The following CAND1 variants were observed in gnomAD, a reference collection of about 807,000 sequenced individuals.
CAND1 encodes the protein cullin-associated NEDD8-dissociated protein 1.
In CAND1, 7 loss-of-function variants were observed where a neutral mutation model predicts 108.5. The ratio of observed to expected loss-of-function variants is 0.06; its 90% CI spans 0.04 to 0.12. CAND1 has a LOEUF of 0.12. Ranked by LOEUF, CAND1 falls within the 10% of genes least tolerant of loss-of-function variation. The pLI, the probability that CAND1 is intolerant of heterozygous loss-of-function variation, is 1.00. For missense variants in CAND1, 941 were observed against 1,448.7 expected (o/e 0.65, Z 5.69); for synonymous variants, 534 against 512.0 (o/e 1.04, Z -0.58).
intron 1 of CAND1, among the ~76,000 whole-genome samples, chr12:67,274,605 A>G (rs770892257): frequency 6.6e-6 from 1 of 152,194 alleles, no homozygotes; most frequent in Non-Finnish European, 1.5e-5. Flanking sequence ...TATTTCCATT[A>G]TATAGGGATT....
chr12:67,303,507 G>A (rs543158333), intron 8 of CAND1, among the ~76,000 whole-genome samples: 1 of 152,282 alleles, frequency 6.6e-6, no homozygotes, highest in South Asian at 2.1e-4. Flanking sequence ...CAGTAGAGTT[G>A]CCAGGAATTC....
At chr12:67,285,958 G>A (rs892337865) in intron 2 of CAND1, among the ~76,000 whole-genome samples, 5 of 152,054 alleles carry the variant, frequency 3.3e-5, no homozygotes, top group Non-Finnish European at 5.9e-5. Context: ...TACAGTGAAC[G>A]TTTCGTGTAC....
Position 67,299,291 on chromosome 12 carries a change from C to A in CAND1, c.1000+196C>A, listed in dbSNP as rs1035683578. ...ACTGTTATGCAACACATTAAAAAAT[C>A]ATGTCTAAAAATCATTCATTAATGC... On this transcript the variant is annotated intron_variant, in intron 7 of 14. Transcript: ENST00000545606. Among the ~76,000 whole-genome samples the A allele has an allele frequency of 2.6e-5, 4 of 152,060 alleles. No individual in the cohort carries two copies. The South Asian group carries it at 8.3e-4, about 32-fold the overall frequency.
chr12:67,273,365 TA>T (rs2044539739), intron 1 of CAND1, among the ~76,000 whole-genome samples: 1 of 152,072 alleles, frequency 6.6e-6, no homozygotes, highest in Non-Finnish European at 1.5e-5. Context: ...AGCCAATAGA[TA>T]GGGGATTCGG....
At chr12:67,303,327 C>T (rs764744917) in intron 8 of CAND1, among the ~76,000 whole-genome samples, 8 of 152,090 alleles carry the variant, frequency 5.3e-5, no homozygotes, top group Non-Finnish European at 1.2e-4. Flanking sequence ...GTGGAGAGGA[C>T]GGGACACACA....
At chr12:67,295,724 GT>G (rs1035531043) in intron 4 of CAND1, among the ~76,000 whole-genome samples, 3 of 152,134 alleles carry the variant, frequency 2.0e-5, no homozygotes, top group African/African-American at 7.2e-5. Flanking sequence ...ATTTGTGTGT[GT>G]TTTTTGTGGC....
At position 67,315,658 on chromosome 12, in the gene CAND1, T is replaced by G. The variant is rs966892870; in HGVS notation, c.*2828T>G. The G allele has an allele frequency of 6.7e-6, 1 of 148,574 alleles. No individual in the cohort carries two copies. The highest frequency in any genetic ancestry group is 2.6e-5 in the African/African-American group (1 of 38,058). The allele number at this position is 148,574 out of a possible 1,614,324, so 9.2% of individuals were successfully genotyped here. On this transcript the variant is annotated 3_prime_UTR_variant, in exon 15 of 15. Coordinates refer to ENST00000545606, the MANE Select transcript of CAND1 (RefSeq NM_018448.5). The stretch of plus-strand genomic sequence containing the variant: ...ATGATTTCATCAAATGTTTGAATAT[T>G]TACATAATTTTTATGTAACCATAAT...
chr12:67,292,515 C>A, intron 2 of CAND1, 107 bp from the exon 3 acceptor site: 1 of 731,352 alleles, frequency 1.4e-6, no homozygotes, highest in Non-Finnish European at 2.2e-6. Context: ...ATGGTATATA[C>A]TTTATCTTGA....
chr12:67,291,581 A>C (rs375842620), intron 2 of CAND1, among the ~76,000 whole-genome samples: 2 of 152,220 alleles, frequency 1.3e-5, no homozygotes, highest in East Asian at 1.9e-4. Context: ...TCTAAACATG[A>C]AATTAATTTA....
chr12:67,304,914 T>A (rs1234508439), intron 9 of CAND1, among the ~76,000 whole-genome samples, 168 bp downstream of exon 9: 1 of 152,234 alleles, frequency 6.6e-6, no homozygotes, highest in Admixed American at 6.5e-5. Flanking sequence ...GTTAGAAATT[T>A]GTAAGTAAAA....
intron 7 of CAND1, 85 bp from the exon 8 acceptor site, chr12:67,302,238 G>A: frequency 1.6e-6 from 2 of 1,256,958 alleles, no homozygotes; most frequent in Admixed American, 2.0e-5. Flanking sequence ...AACTGATTTG[G>A]TTAAGAATAT....
chr12:67,303,691 G>C (rs1046477255), intron 8 of CAND1, among the ~76,000 whole-genome samples: 6 of 152,098 alleles, frequency 3.9e-5, no homozygotes, highest in African/African-American at 1.4e-4. Flanking sequence ...TGATAGCTTT[G>C]CATCCGTAAG....
In CAND1 at chr12:67,305,352, A is replaced by G. The variant is rs755882651; in HGVS notation, c.1684A>G (p.Thr562Ala). The G allele has an allele frequency of 1.9e-6, 3 of 1,613,994 alleles. No homozygotes were observed. The East Asian group carries it at 6.7e-5, about 36-fold the overall frequency. Residue 562 changes from threonine to alanine, a missense_variant, in exon 10 of 15, where the codon ACT becomes GCT. By Grantham distance (58) the Thr-to-Ala change is moderately conservative (BLOSUM62 0). Coordinates refer to ENST00000545606, the MANE Select transcript of CAND1 (RefSeq NM_018448.5). The surrounding 1 kb of genome is among the most constrained non-coding windows in gnomAD (Gnocchi z 4.4). ...PLDQPSSFDA[T>A]PYIKDLFTCT... ...AGATCAGCCTTCCTCGTTTGATGCAACTCCTTATATCAAAGATCTATTTAC... is the reference window on the plus strand; with the variant it reads ...AGATCAGCCTTCCTCGTTTGATGCAGCTCCTTATATCAAAGATCTATTTAC...
At chr12:67,294,046 T>C (rs543818736) in intron 3 of CAND1, among the ~76,000 whole-genome samples, 1 of 152,340 alleles carries the variant, frequency 6.6e-6, no homozygotes, top group Non-Finnish European at 1.5e-5. Context: ...ATCATACCAG[T>C]GTTATTTTAC....
rs372299698 is a variant in CAND1, at chr12:67,269,783, T to C, written c.66T>C (p.Phe22=). 130 of 1,602,988 alleles carry C rather than the reference T, an allele frequency of 8.1e-5. No homozygotes were observed. Among genetic ancestry groups the C allele is most frequent in the Middle Eastern group, 1.8e-4 (1 of 5,504 alleles). Residue 22 remains phenylalanine (F), a splice_region_variant and synonymous_variant, in exon 1 of 15, where the codon TTT becomes TTC. Coordinates refer to ENST00000545606, the MANE Select transcript of CAND1 (RefSeq NM_018448.5). ...LEKMTSSDKD[F]RFMATNDLMT... ...AAATGACATCCAGCGACAAGGACTT[T>C]AGGTGAGGCCGAGATCCGACCCTCA...
chr12:67,313,322 A>T lies in CAND1; in HGVS notation c.*492A>T, dbSNP rs2044972959. On this transcript the variant is annotated 3_prime_UTR_variant, in exon 15 of 15. Coordinates refer to ENST00000545606, the MANE Select transcript of CAND1 (RefSeq NM_018448.5). ...TGGCAGACAAGAATATCCATATAAG[A>T]TTTGTTAACCATTTCAGAGAGTTTG... 6.6e-6 allele frequency: 1 copy of T among 152,046 alleles called. No individual in the cohort carries two copies. The highest frequency in any genetic ancestry group is 2.4e-5 in the African/African-American group (1 of 41,440). 9.4% of individuals were successfully genotyped at this position (152,046 alleles called of 1,614,324 possible).
At chr12:67,270,787 GAAAA>G (rs1306886405) in intron 1 of CAND1, 16 of 125,258 alleles carry the variant, frequency 1.3e-4, no homozygotes, top group African/African-American at 3.9e-4. Flanking sequence ...AAAAAAAAAA[GAAAA>G]AAAAATCGCT....
chr12:67,269,656 G>GGCGGCAGCGGCA lies in CAND1; in HGVS notation c.-57_-46dup. On this transcript the variant is annotated 5_prime_UTR_variant, in exon 1 of 15. Coordinates refer to ENST00000545606, the MANE Select transcript of CAND1 (RefSeq NM_018448.5). Reference sequence around the variant, plus strand: ...GAGGAGCTCCAGTGGCGGCGGCGGCGGCGGCAGCGGCAGCGGGCAGCAGCT... The same window carrying GGCGGCAGCGGCA: ...GAGGAGCTCCAGTGGCGGCGGCGGCGGCGGCAGCGGCAGCGGCAGCGGCAGCGGGCAGCAGCT... 1 of 1,451,320 alleles carries GGCGGCAGCGGCA rather than the reference G, an allele frequency of 6.9e-7. No individual in the cohort carries two copies. The highest frequency in any genetic ancestry group is 9.5e-7 in the Non-Finnish European group (1 of 1,052,180). 89.9% of individuals were successfully genotyped at this position (1,451,320 alleles called of 1,614,324 possible). A position where few individuals can be genotyped will look rare whatever the true frequency, so the allele number is the denominator to read the frequency against.
At chr12:67,289,850 T>G (rs1592611519) in intron 2 of CAND1, among the ~76,000 whole-genome samples, 1 of 152,330 alleles carries the variant, frequency 6.6e-6, no homozygotes, top group East Asian at 1.9e-4. Context: ...ATCTTTTCTT[T>G]TAAATCACCA....
Sources: allele counts gnomAD v4.1 joint callset (sites outside exome capture counted in the v4.1 genomes callset), GRCh38; gene constraint gnomAD v4.1.1; non-coding constraint Gnocchi (gnomAD v3.1); transcripts MANE v1.5; gene names NCBI Gene and HGNC (gene_info 2026-07-23, HGNC 2026-07-21).